The following SPNS2 variants were observed in gnomAD, a reference collection of about 807,000 sequenced individuals.
SPNS2 encodes SPNS lysolipid transporter 2, sphingosine-1-phosphate.
Under a neutral mutation model 57.6 loss-of-function variants are expected in SPNS2, and 37 were observed. The ratio of observed to expected loss-of-function variants is 0.64; its 90% confidence interval spans 0.49 to 0.85. SPNS2 has a LOEUF of 0.85. Among genes scored for constraint, SPNS2 ranks in the 40% least tolerant of loss-of-function variants. SPNS2 has a pLI of 0.00. For missense variants in SPNS2, 831 were observed against 779.1 expected (o/e 1.07, Z -0.79); for synonymous variants, 440 against 346.9 (o/e 1.27, Z -2.98).
Position 4,511,202 on chromosome 17 carries a change from A to G in SPNS2, c.371-2045A>G, listed in dbSNP as rs1049402423. On this transcript the variant is annotated intron_variant, in intron 1 of 12. Coordinates refer to ENST00000329078, the MANE Select transcript of SPNS2 (RefSeq NM_001124758.3). The surrounding 1 kb of genome is among the most constrained non-coding windows in gnomAD (Gnocchi z 4.6). ...GCCCAGTGCTAAAACGAGTTTGGAC[A>G]GGGGAAGAGTGGGGGCAACTAACTT... Among the ~76,000 whole-genome samples the G allele has an allele frequency of 6.6e-6, 1 of 152,214 alleles. No homozygotes were observed. The highest frequency in any genetic ancestry group is 2.4e-5 in the African/African-American group (1 of 41,458).
intron 9 of SPNS2, among the ~76,000 whole-genome samples, chr17:4,535,791 G>A (rs552010159): frequency 1.3e-5 from 2 of 152,286 alleles, no homozygotes; most frequent in South Asian, 2.1e-4. Context: ...GGTCTGGGTT[G>A]GAGGTGTGGA....
At chr17:4,525,632 A>G (rs1905246505) in intron 3 of SPNS2, among the ~76,000 whole-genome samples, 1 of 152,254 alleles carries the variant, frequency 6.6e-6, no homozygotes, top group African/African-American at 2.4e-5. Context: ...ATCCCAGAGA[A>G]GCAAATATCA....
intron 2 of SPNS2, among the ~76,000 whole-genome samples, chr17:4,515,627 T>G (rs977878171): frequency 6.6e-6 from 1 of 152,224 alleles, no homozygotes; most frequent in Non-Finnish European, 1.5e-5. Flanking sequence ...TAGACCATGA[T>G]GTTACTCAGT....
At position 4,513,236 on chromosome 17, in the gene SPNS2, C is replaced by G; in HGVS notation, c.371-11C>G. 6.2e-7 allele frequency: 1 copy of G among 1,613,778 alleles called. No individual in the cohort carries two copies. The highest frequency in any genetic ancestry group is 8.5e-7 in the Non-Finnish European group (1 of 1,179,648). ...GACTCGGCCAGTGAGCACCCTCTGTCTTCCCTCCAGGCGTCCTTCTGGACA... is the reference window on the plus strand; with the variant it reads ...GACTCGGCCAGTGAGCACCCTCTGTGTTCCCTCCAGGCGTCCTTCTGGACA... On this transcript the variant is annotated splice_polypyrimidine_tract_variant and intron_variant, in intron 1 of 12. Transcript: ENST00000329078.
intron 2 of SPNS2, among the ~76,000 whole-genome samples, chr17:4,514,635 G>A (rs939420539): frequency 1.3e-5 from 2 of 152,190 alleles, no homozygotes; most frequent in African/African-American, 2.4e-5. Flanking sequence ...CCAGGTCCCT[G>A]CCCTGGCAGA....
intron 1 of SPNS2, among the ~76,000 whole-genome samples, chr17:4,502,168 A>T (rs963232583): frequency 2.0e-5 from 3 of 151,762 alleles, no homozygotes; most frequent in African/African-American, 7.3e-5. Context: ...CTGAGGTCGG[A>T]AGTTCGAGAC....
chr17:4,525,259 A>G (rs1905236681), intron 3 of SPNS2, 66 bp downstream of exon 3: 1 of 1,579,130 alleles, frequency 6.3e-7, no homozygotes, highest in African/African-American at 1.3e-5. Context: ...GGCTAGTCTT[A>G]TTGGCCTGTT....
intron 9 of SPNS2, among the ~76,000 whole-genome samples, chr17:4,535,601 G>A (rs989308690): frequency 2.6e-5 from 4 of 151,944 alleles, no homozygotes; most frequent in African/African-American, 7.3e-5. Context: ...CGGGTACTCC[G>A]AGGCTCGGAG....
chr17:4,525,012 G>A (rs754544937), intron 2 of SPNS2, 45 bp from the exon 3 acceptor site: 1 of 1,598,846 alleles, frequency 6.3e-7, no homozygotes, highest in Non-Finnish European at 8.6e-7. Flanking sequence ...GGGAGGCCGG[G>A]GCGCAGGGAC....
chr17:4,527,843 G>A (rs1372835258), intron 3 of SPNS2, among the ~76,000 whole-genome samples: 1 of 151,562 alleles, frequency 6.6e-6, no homozygotes, highest in East Asian at 1.9e-4. Flanking sequence ...GCAGGATATT[G>A]TAAAACTCTG....
chr17:4,532,882 G>A, intron 6 of SPNS2, 95 bp from the exon 7 acceptor site: 1 of 1,514,022 alleles, frequency 6.6e-7, no homozygotes, highest in Admixed American at 2.0e-5. Flanking sequence ...GTAAGACGAG[G>A]CATTTGGGGG....
intron 1 of SPNS2, among the ~76,000 whole-genome samples, chr17:4,502,933 T>G (rs139237360): frequency 2.4e-4 from 36 of 152,284 alleles, no homozygotes; most frequent in African/African-American, 8.4e-4. Flanking sequence ...CCGGTGAACC[T>G]GCTAATTACG....
At chr17:4,516,691 A>G (rs150926007) in intron 2 of SPNS2, among the ~76,000 whole-genome samples, 209 of 152,308 alleles carry the variant, frequency 1.4e-3, no homozygotes, top group Non-Finnish European at 2.5e-3. Flanking sequence ...GATCGAGTAG[A>G]TGTGTGAAGC....
chr17:4,536,453 C>T, intron 11 of SPNS2, 27 bp downstream of exon 11: 1 of 1,580,662 alleles, frequency 6.3e-7, no homozygotes, highest in Non-Finnish European at 8.6e-7. Flanking sequence ...GGAGGCCCTG[C>T]TGCACCGCCG....
rs765532241 is a variant in SPNS2, at chr17:4,536,288, C to T, written c.1469C>T (p.Thr490Ile). ...ATCTCAGACCTGATCCGCCAGAGCA[C>T]TAAGGACTCCCCGCTCTGGGAGTTC... The part of the protein sequence containing the change: ...GFISDLIRQS[T>I]KDSPLWEFLS... The change falls in exon 11 of 13, where the codon ACT (threonine) becomes ATT (isoleucine). Residue 490 changes from threonine (T) to isoleucine (I), a missense_variant. Physicochemically the swap from Thr to Ile is moderately conservative, Grantham distance 89. Coordinates refer to ENST00000329078, the MANE Select transcript of SPNS2 (RefSeq NM_001124758.3). 15 of 1,612,602 alleles carry T rather than the reference C, an allele frequency of 9.3e-6. No homozygotes were observed. The highest frequency in any genetic ancestry group is 1.6e-4 in the Middle Eastern group (1 of 6,080).
Position 4,533,790 on chromosome 17 carries a change from C to G in SPNS2, c.1281C>G (p.Ile427Met). 1.9e-6 allele frequency: 3 copies of G among 1,613,786 alleles called. No individual in the cohort carries two copies. Among genetic ancestry groups the G allele is most frequent in the Non-Finnish European group, 2.5e-6 (3 of 1,180,020 alleles). ...TGGCTTTGCCTTCTCCCCGGCAGAT[C>G]TGTATCTTCGTCGGGGAGACGCTGC... ...AAKSSIVGAY[I>M]CIFVGETLLF... Residue 427 changes from isoleucine to methionine, a missense_variant and splice_region_variant, in exon 9 of 13, where the codon ATC (isoleucine) becomes ATG (methionine). By Grantham distance (10) the Ile-to-Met change is conservative. Transcript: ENST00000329078.
intron 1 of SPNS2, among the ~76,000 whole-genome samples, chr17:4,508,145 G>A (rs1904730016): frequency 6.6e-6 from 1 of 152,202 alleles, no homozygotes; most frequent in South Asian, 2.1e-4. Context: ...CCTCAGAGGA[G>A]AGAGGCGCAG....
chr17:4,533,263 C>A lies in SPNS2; in HGVS notation c.1109C>A (p.Thr370Asn). ...CACAGCCTCATCTTTGGGGCCATCA[C>A]CTGCTTTACGGGATTTCTGGGCGTG... is the stretch of plus-strand genomic sequence containing the variant. ...AKDSLIFGAI[T>N]CFTGFLGVVT... Residue 370 changes from threonine to asparagine, a missense_variant, in exon 8 of 13, where the codon ACC becomes AAC. Coordinates refer to ENST00000329078, the MANE Select transcript of SPNS2 (RefSeq NM_001124758.3). 6.2e-7 allele frequency: 1 copy of A among 1,606,280 alleles called. No individual in the cohort carries two copies. Among genetic ancestry groups the A allele is most frequent in the Non-Finnish European group, 8.5e-7 (1 of 1,175,522 alleles).
chr17:4,507,562 G>A (rs1398364609), intron 1 of SPNS2, among the ~76,000 whole-genome samples: 1 of 152,226 alleles, frequency 6.6e-6, no homozygotes, highest in East Asian at 1.9e-4. Flanking sequence ...TTACAGAGGA[G>A]GAAACTGGCA....
Sources: gnomAD v4.1 joint callset for allele counts (sites outside exome capture counted in the v4.1 genomes callset) on GRCh38, gnomAD v4.1.1 for gene constraint, Gnocchi (gnomAD v3.1) non-coding constraint, MANE v1.5 for transcripts, NCBI Gene and HGNC (gene_info 2026-07-23, HGNC 2026-07-21) for gene names.